CUX1: variants seen among roughly 807,000 people sequenced by gnomAD.
CUX1 encodes protein CASP.
CUX1 carries 31 observed loss-of-function variants against 158.8 expected under a neutral mutation model. The observed-to-expected ratio is 0.20, with a 90% CI of 0.15 to 0.26. CUX1 has a LOEUF of 0.26. Ranked by LOEUF, CUX1 falls within the 10% of genes least tolerant of loss-of-function variation. The pLI is 1.00. For synonymous variants in CUX1, 879 were observed against 862.1 expected (o/e 1.02, Z -0.34); for missense variants, 1,589 against 2,014.6 (o/e 0.79, Z 4.04).
chr7:102,227,818 C>T (rs1219932714), intron 21 of CUX1, 149 bp downstream of exon 21: 2 of 804,394 alleles, frequency 2.5e-6, no homozygotes, highest in Non-Finnish European at 3.9e-6. Context: ...TAGTTGTGAA[C>T]AGTAAGGAGC....
At chr7:101,961,800 C>T (rs1810530062) in intron 2 of CUX1, 1 of 147,998 alleles carries the variant, frequency 6.8e-6, no homozygotes, top group African/African-American at 2.5e-5. Context: ...GGCTTGAACC[C>T]AGGAGGCGGA....
At chr7:102,046,480 G>A (rs1015964063) in intron 3 of CUX1, among the ~76,000 whole-genome samples, 1 of 151,622 alleles carries the variant, frequency 6.6e-6, no homozygotes, top group Non-Finnish European at 1.5e-5. Flanking sequence ...TGATCCACCT[G>A]CCTCAGTCTC....
chr7:102,155,056 A>G (rs1259637579), intron 8 of CUX1, among the ~76,000 whole-genome samples: 1 of 152,216 alleles, frequency 6.6e-6, no homozygotes. Context: ...AATCTATGAC[A>G]TAGATGAGAT....
intron 7 of CUX1, 80 bp from the exon 8 acceptor site, chr7:102,115,127 T>C: frequency 7.8e-7 from 1 of 1,277,482 alleles, no homozygotes; most frequent in Non-Finnish European, 1.1e-6. Context: ...TCTTTGCCTC[T>C]TTTGAAATGG....
At chr7:101,835,678 C>T (rs1288580279) in intron 1 of CUX1, among the ~76,000 whole-genome samples, 2 of 152,084 alleles carry the variant, frequency 1.3e-5, no homozygotes, top group South Asian at 2.1e-4. Flanking sequence ...GGTATCCATC[C>T]ATCACAGATT....
At position 102,197,229 on chromosome 7, in the gene CUX1, A is replaced by G; in HGVS notation, c.1818A>G (p.Pro606=). Residue 606 remains proline (P), a synonymous_variant, in exon 15 of 24, where the codon CCA becomes CCG. Transcript: ENST00000292535. ...WNKLTVRGKE[P]FHKMKQFLSD... Reference sequence around the variant, plus strand: ...AACTGACTGTTCGTGGCAAGGAGCCATTTCACAAGATGAAACAGTTCCTCT... The same window carrying G: ...AACTGACTGTTCGTGGCAAGGAGCCGTTTCACAAGATGAAACAGTTCCTCT... 1 of 1,614,236 alleles carries G rather than the reference A, an allele frequency of 6.2e-7. No homozygotes were observed. The highest frequency in any genetic ancestry group is 8.5e-7 in the Non-Finnish European group (1 of 1,180,050).
At chr7:102,274,105 C>T in intron 15 of CUX1, 2 of 790,634 alleles carry the variant, frequency 2.5e-6, no homozygotes, top group Admixed American at 3.7e-5. Context: ...CCGGGCCCTC[C>T]TGCAGCCAGC....
chr7:101,857,891 A>G (rs1430331615), intron 1 of CUX1, among the ~76,000 whole-genome samples: 2 of 151,992 alleles, frequency 1.3e-5, no homozygotes, highest in Admixed American at 6.6e-5. Context: ...GGGAGGCCGA[A>G]GTGGGAGGAT....
In CUX1 at chr7:102,231,021, G is replaced by A. The variant is rs937230049; in HGVS notation, c.3434-3031G>A. On this transcript the variant is annotated intron_variant, in intron 21 of 23. Transcript: ENST00000292535. ...GACTACAGGCACACACCCCAAGCCC[G>A]GCTATTTTTTTTTTTTTTTTTTTTT... Among the ~76,000 whole-genome samples, 21 of 119,262 alleles carry A rather than the reference G, an allele frequency of 1.8e-4. No homozygotes were observed. In the South Asian group the frequency reaches 4.2e-3, roughly 24 times the overall value. 78.2% of individuals were successfully genotyped at this position (119,262 alleles called of 152,430 possible). A position where few individuals can be genotyped will look rare whatever the true frequency, so the allele number is the denominator to read the frequency against.
At chr7:102,219,315 G>T (rs1398219591) in intron 20 of CUX1, among the ~76,000 whole-genome samples, 1 of 152,070 alleles carries the variant, frequency 6.6e-6, no homozygotes, top group African/African-American at 2.4e-5. Flanking sequence ...GTGGGGCAGA[G>T]CTACCACCCA....
intron 1 of CUX1, among the ~76,000 whole-genome samples, chr7:101,859,576 T>C (rs1248432718): frequency 6.6e-6 from 1 of 152,208 alleles, no homozygotes. Context: ...TGTCAGGTAT[T>C]GGCGGGTTTG....
At chr7:102,095,066 C>G (rs113647727) in intron 4 of CUX1, among the ~76,000 whole-genome samples, 5 of 151,854 alleles carry the variant, frequency 3.3e-5, no homozygotes, top group Admixed American at 2.0e-4. Flanking sequence ...GTGGCTCAAT[C>G]ACAGCTCAAT....
intron 11 of CUX1, among the ~76,000 whole-genome samples, chr7:102,182,828 A>G (rs1793239277): frequency 1.3e-5 from 2 of 152,250 alleles, no homozygotes; most frequent in Admixed American, 1.3e-4. Flanking sequence ...ACAGAAGATA[A>G]TGCTACCAAT....
intron 2 of CUX1, among the ~76,000 whole-genome samples, chr7:101,956,396 A>G (rs1305834463): frequency 6.6e-6 from 1 of 152,186 alleles, no homozygotes; most frequent in African/African-American, 2.4e-5. Flanking sequence ...ATGTGACACC[A>G]GATACACCAA....
chr7:102,115,270 C>T lies in CUX1; in HGVS notation c.671C>T (p.Ala224Val). ...ACCAAATACGATGAAGAAACTACTG[C>T]AAAGTAAGTCTCTCTGCTTGGCCTC... ...LKTKYDEETT[A>V]KADEIEMIMT... The change falls in exon 8 of 24, where the codon GCA (alanine) becomes GTA (valine). Residue 224 changes from alanine to valine, a missense_variant. This residue lies in a region of CUX1 where 515 missense variants were observed against 574.4 expected (regional missense o/e 0.90). Coordinates refer to ENST00000292535, the MANE Select transcript of CUX1 (RefSeq NM_181552.4). The T allele has an allele frequency of 6.2e-7, 1 of 1,608,642 alleles. No individual in the cohort carries two copies. The highest frequency in any genetic ancestry group is 8.5e-7 in the Non-Finnish European group (1 of 1,178,796).
At chr7:102,057,480 A>G (rs997753699) in intron 3 of CUX1, among the ~76,000 whole-genome samples, 7 of 152,228 alleles carry the variant, frequency 4.6e-5, no homozygotes, top group African/African-American at 1.7e-4. Context: ...TTTAGATTCC[A>G]TGAAGAACAT....
chr7:102,227,159 A>G (rs1554528831), intron 20 of CUX1, among the ~76,000 whole-genome samples: 2 of 152,144 alleles, frequency 1.3e-5, no homozygotes, highest in East Asian at 1.9e-4. Context: ...TTTTCTCGCA[A>G]TGATGTTATT....
upstream of CUX1, among the ~76,000 whole-genome samples, chr7:101,816,478 C>CGCGGGGTGCGCGCGCGAGCGGGGA (rs1791799671): frequency 7.2e-6 from 1 of 138,976 alleles, no homozygotes; most frequent in East Asian, 2.2e-4. Context: ...CCCGGCGGCC[C>CGCGGGGTGCGCGCGCGAGCGGGGA]GCGGGGTGCG....
chr7:101,974,190 C>A (rs775732404), intron 2 of CUX1, among the ~76,000 whole-genome samples: 15 of 151,984 alleles, frequency 9.9e-5, no homozygotes, highest in Non-Finnish European at 2.1e-4. Flanking sequence ...CCTCAGCCTC[C>A]CAAGTATCAA....
Sources: gnomAD v4.1 joint callset for allele counts (sites outside exome capture counted in the v4.1 genomes callset) on GRCh38, gnomAD v4.1.1 for gene constraint, gnomAD v4.1.1 regional missense constraint, MANE v1.5 for transcripts, NCBI Gene and HGNC (gene_info 2026-07-23, HGNC 2026-07-21) for gene names.